The following SCRT1 variants were observed in gnomAD, a reference collection of about 807,000 sequenced individuals.
SCRT1 encodes transcriptional repressor scratch 1.
Under a neutral mutation model 3.4 loss-of-function variants are expected in SCRT1, and 1 was observed. The ratio of observed to expected loss-of-function variants is 0.29; its 90% CI spans 0.10 to 1.39. SCRT1 has a LOEUF of 1.39. Among genes scored for constraint, SCRT1 ranks in the 40% most tolerant of loss-of-function variants. The probability of loss-of-function intolerance (pLI) is 0.42; values close to 1 mark genes in which losing one functional copy is unlikely to be tolerated. For synonymous variants in SCRT1, 238 were observed against 247.0 expected (o/e 0.96, Z 0.34); for missense variants, 380 against 526.3 (o/e 0.72, Z 2.72).
rs1026532598 is a variant in SCRT1 at position 144,333,407 on chromosome 8, G to C, written c.825C>G (p.Pro275=). The C allele has an allele frequency of 7.5e-6, 12 of 1,605,756 alleles. No individual in the cohort carries two copies. The highest frequency in any genetic ancestry group is 1.0e-5 in the Non-Finnish European group (12 of 1,177,542). ...GHMRSHTGEK[P]FGCAHCGKAF... is the part of the protein sequence containing the mutation. ...CCTTGCCGCAGTGCGCGCAGCCGAA[G>C]GGTTTCTCGCCGGTGTGCGAGCGCA... Residue 275 remains proline (P), a synonymous_variant, in exon 2 of 2, where the codon CCC becomes CCG. Coordinates refer to ENST00000569446, the MANE Select transcript of SCRT1 (RefSeq NM_031309.6).
Position 144,333,356 on chromosome 8 carries a change from G to A in SCRT1, c.876C>T (p.Arg292=), listed in dbSNP as rs781801002. The A allele has an allele frequency of 8.7e-6, 14 of 1,611,890 alleles. No individual in the cohort carries two copies. Among genetic ancestry groups the A allele is most frequent in the Non-Finnish European group, 1.2e-5 (14 of 1,179,454 alleles). ...AGGCCGAATGCGTCTGCATGTGCGCGCGCAGGTTGGAGCGGTCGGCGAAGG... is the reference window on the plus strand; with the variant it reads ...AGGCCGAATGCGTCTGCATGTGCGCACGCAGGTTGGAGCGGTCGGCGAAGG... ...GKAFADRSNL[R]AHMQTHSAFK... is the part of the protein sequence containing the mutation. Residue 292 remains arginine (R), a synonymous_variant, in exon 2 of 2, where the codon CGC becomes CGT. Transcript: ENST00000569446.
rs1445418883 is a variant in SCRT1 at position 144,331,267 on chromosome 8, GC to G, written c.*1917del. 1 of 152,244 alleles carries G rather than the reference GC, an allele frequency of 6.6e-6. No homozygotes were observed. The highest frequency in any genetic ancestry group is 1.5e-5 in the Non-Finnish European group (1 of 68,048). The allele number at this position is 152,244 out of a possible 1,614,324, so 9.4% of individuals were successfully genotyped here. On this transcript the variant is annotated 3_prime_UTR_variant, in exon 2 of 2. Transcript: ENST00000569446. ...CACCTTCTTCTCCAGCCATGGCTCTGCCCCTGGCTGGACATGGCAGATGTGT... is the reference window on the plus strand; with the variant it reads ...CACCTTCTTCTCCAGCCATGGCTCTGCCCTGGCTGGACATGGCAGATGTGT...
rs1005897177 is a variant in SCRT1, at chr8:144,332,216, G to A, written c.*969C>T. ...GATGGGGGTTCAGCGCCCCCTCCCT[G>A]ACCCGAGTGCAATCCGTTCATAAAT... On this transcript the variant is annotated 3_prime_UTR_variant, in exon 2 of 2. Transcript: ENST00000569446. 2.0e-5 allele frequency: 3 copies of A among 152,324 alleles called. No homozygotes were observed. Among genetic ancestry groups the A allele is most frequent in the African/African-American group, 7.2e-5 (3 of 41,436 alleles). The allele number at this position is 152,324 out of a possible 1,614,324, so 9.4% of individuals were successfully genotyped here.
intron 1 of SCRT1, among the ~76,000 whole-genome samples, chr8:144,334,717 A>C (rs1554850159): frequency 6.6e-6 from 1 of 151,634 alleles, no homozygotes; most frequent in East Asian, 1.9e-4. Context: ...TCCCTCCCCC[A>C]GTTCCCTCCG....
rs2130567110 is a variant in SCRT1 at position 144,332,205 on chromosome 8, G to GC, written c.*979dup. The GC allele has an allele frequency of 6.6e-6, 1 of 152,410 alleles. No individual in the cohort carries two copies. Among genetic ancestry groups the GC allele is most frequent in the Admixed American group, 6.5e-5 (1 of 15,310 alleles). The allele number at this position is 152,410 out of a possible 1,614,324, so 9.4% of individuals were successfully genotyped here. A position where few individuals can be genotyped will look rare whatever the true frequency, so the allele number is the denominator to read the frequency against. On this transcript the variant is annotated 3_prime_UTR_variant, in exon 2 of 2. Transcript: ENST00000569446. ...TCGGCGGGCAAGATGGGGGTTCAGC[G>GC]CCCCCTCCCTGACCCGAGTGCAATC...
chr8:144,333,704 G>T lies in SCRT1; in HGVS notation c.528C>A (p.Thr176=). 10 of 1,225,576 alleles carry T rather than the reference G, an allele frequency of 8.2e-6. No individual in the cohort carries two copies. Among genetic ancestry groups the T allele is most frequent in the Non-Finnish European group, 1.0e-5 (10 of 981,988 alleles). The allele number at this position is 1,225,576 out of a possible 1,614,324, so 75.9% of individuals were successfully genotyped here. ...CGGCCCCTGGCCCCGCGCGCGCCTC[G>T]GTGCCTGCCCCCGCGCGCGTGCCGC... The part of the protein sequence containing the change: ...GRGGTRAGAG[T]EARAGPGAAG... The change falls in exon 2 of 2, where the codon ACC becomes ACA. Residue 176 remains threonine (T), a synonymous_variant. Coordinates refer to ENST00000569446, the MANE Select transcript of SCRT1 (RefSeq NM_031309.6).
rs566586226 is a variant in SCRT1 at position 144,335,874 on chromosome 8, C to G, written c.115+181G>C. Among the ~76,000 whole-genome samples the G allele has an allele frequency of 1.3e-5, 2 of 152,358 alleles. No homozygotes were observed. The highest frequency in any genetic ancestry group is 4.8e-5 in the African/African-American group (2 of 41,592). ...CAACGTCGACACTCTCCCTGCCCAG[C>G]CTTGGCCTCTGTGTTCCCCTTCCTC... is the stretch of plus-strand genomic sequence containing the variant. On this transcript the variant is annotated intron_variant, in intron 1 of 1. Transcript: ENST00000569446. This position sits in a 1 kb window ranked among gnomAD's most constrained non-coding sequence, Gnocchi z 7.7.
rs1464610534 is a variant in SCRT1 at position 144,331,170 on chromosome 8, TG to T, written c.*2014del. 6.6e-6 allele frequency: 1 copy of T among 152,304 alleles called. No homozygotes were observed. Among genetic ancestry groups the T allele is most frequent in the Non-Finnish European group, 1.5e-5 (1 of 68,056 alleles). The allele number at this position is 152,304 out of a possible 1,614,324, so 9.4% of individuals were successfully genotyped here. ...ATGTGGGCACTGCTGTGCAGAGCGG[TG>T]GGTCATCCTTGTGGGGGCAGCCACG... is the stretch of plus-strand genomic sequence containing the variant. On this transcript the variant is annotated 3_prime_UTR_variant, in exon 2 of 2. Coordinates refer to ENST00000569446, the MANE Select transcript of SCRT1 (RefSeq NM_031309.6).
At position 144,333,641 on chromosome 8, in the gene SCRT1, G is replaced by A. The variant is rs1554849904; in HGVS notation, c.591C>T (p.Gly197=). 6.3e-7 allele frequency: 1 copy of A among 1,591,338 alleles called. No homozygotes were observed. The highest frequency in any genetic ancestry group is 1.1e-5 in the South Asian group (1 of 88,894). ...AGGRHACGEC[G]KTYATSSNLS... ...GGTTCGACGACGTGGCGTATGTTTT[G>A]CCGCACTCGCCGCACGCGTGCCGGC... The change falls in exon 2 of 2, where the codon GGC becomes GGT. Residue 197 remains glycine (G), a synonymous_variant. Coordinates refer to ENST00000569446, the MANE Select transcript of SCRT1 (RefSeq NM_031309.6).
At chr8:144,334,402 G>C (rs1178241922) in intron 1 of SCRT1, among the ~76,000 whole-genome samples, 3 of 152,068 alleles carry the variant, frequency 2.0e-5, no homozygotes, top group Admixed American at 2.0e-4. Context: ...CGCGTCTTCG[G>C]GCGCGGCTGC....
intron 1 of SCRT1, among the ~76,000 whole-genome samples, chr8:144,334,686 C>T (rs1268605969): frequency 1.3e-5 from 2 of 152,010 alleles, no homozygotes; most frequent in East Asian, 1.9e-4. Flanking sequence ...TCTGGTTCCT[C>T]CAACAAGCCC....
Position 144,336,080 on chromosome 8 carries a change from G to T in SCRT1, c.90C>A (p.Asp30Glu), listed in dbSNP as rs1247305656. Residue 30 changes from aspartate (D) to glutamate (E), a missense_variant, in exon 1 of 2, where the codon GAC becomes GAA. Transcript: ENST00000569446. This position sits in a 1 kb window ranked among gnomAD's most constrained non-coding sequence, Gnocchi z 6.8. ...LESAYGRARS[D>E]LGAPLHDKGY... ...CTTTATCGTGCAGTGGCGCGCCGAG[G>T]TCGCTGCGGGCGCGTCCGTAGGCGC... 17 of 1,607,906 alleles carry T rather than the reference G, an allele frequency of 1.1e-5. No individual in the cohort carries two copies. Among genetic ancestry groups the T allele is most frequent in the Non-Finnish European group, 1.4e-5 (17 of 1,177,506 alleles).
chr8:144,333,022 G>C lies in SCRT1; in HGVS notation c.*163C>G, dbSNP rs1554849765. On this transcript the variant is annotated 3_prime_UTR_variant, in exon 2 of 2. Coordinates refer to ENST00000569446, the MANE Select transcript of SCRT1 (RefSeq NM_031309.6). ...CGGGACCCTATTGCTTGAAGGGGCC[G>C]GCAAGGCCCCTGGCGGGCGGGGCGG... The C allele has an allele frequency of 1.6e-6, 1 of 617,436 alleles. No individual in the cohort carries two copies. Among genetic ancestry groups the C allele is most frequent in the Non-Finnish European group, 2.7e-6 (1 of 375,104 alleles). 38.2% of individuals were successfully genotyped at this position (617,436 alleles called of 1,614,324 possible). A position where few individuals can be genotyped will look rare whatever the true frequency, so the allele number is the denominator to read the frequency against.
chr8:144,334,424 G>A (rs1265428515), intron 1 of SCRT1, among the ~76,000 whole-genome samples: 1 of 151,882 alleles, frequency 6.6e-6, no homozygotes. Flanking sequence ...CCCCTTCCGC[G>A]GAGCCTCAAG....
rs200672433 is a variant in SCRT1, at chr8:144,334,166, G to A, written c.116-50C>T. 7.1e-3 allele frequency: 2,258 copies of A among 318,948 alleles called. 24 individuals are homozygous for A. In the East Asian group the frequency reaches 0.074, roughly 10 times the overall value. 19.8% of individuals were successfully genotyped at this position (318,948 alleles called of 1,614,324 possible). ...CGGGAAGGGAATGGGGCGGCGGCAG[G>A]ACACACACGGGGGATGGGGGGGCGG... is the stretch of plus-strand genomic sequence containing the variant. On this transcript the variant is annotated intron_variant, in intron 1 of 1. Coordinates refer to ENST00000569446, the MANE Select transcript of SCRT1 (RefSeq NM_031309.6).
At position 144,333,392 on chromosome 8, in the gene SCRT1, G is replaced by T; in HGVS notation, c.840C>A (p.His280Gln). The T allele has an allele frequency of 6.2e-7, 1 of 1,608,056 alleles. No homozygotes were observed. The highest frequency in any genetic ancestry group is 8.5e-7 in the Non-Finnish European group (1 of 1,178,342). ...AGCGGTCGGCGAAGGCCTTGCCGCA[G>T]TGCGCGCAGCCGAAGGGTTTCTCGC... ...HTGEKPFGCAHCGKAFADRSN... is the reference protein window; with the variant it reads ...HTGEKPFGCAQCGKAFADRSN... Residue 280 changes from histidine to glutamine, a missense_variant, in exon 2 of 2, where the codon CAC (histidine) becomes CAA (glutamine). By Grantham distance (24) the His-to-Gln change is conservative. This residue lies in a region of SCRT1 where 56 missense variants were observed against 169.3 expected (regional missense o/e 0.33). Transcript: ENST00000569446.
rs1363198189 is a variant in SCRT1 at position 144,333,142 on chromosome 8, C to T, written c.*43G>A. On this transcript the variant is annotated 3_prime_UTR_variant, in exon 2 of 2. Transcript: ENST00000569446. ...GCCAGCGAAGACTTCCCTGGGGGGC[C>T]GTATTGCTGAGAGCCGACCTGGCTG... is the stretch of plus-strand genomic sequence containing the variant. The T allele has an allele frequency of 4.2e-6, 6 of 1,414,108 alleles. No homozygotes were observed. The highest frequency in any genetic ancestry group is 2.8e-5 in the Admixed American group (1 of 35,146). 87.6% of individuals were successfully genotyped at this position (1,414,108 alleles called of 1,614,324 possible).
rs1253942304 is a variant in SCRT1, at chr8:144,333,600, T to G, written c.632A>C (p.Gln211Pro). 6.2e-7 allele frequency: 1 copy of G among 1,609,580 alleles called. No individual in the cohort carries two copies. Among genetic ancestry groups the G allele is most frequent in the Non-Finnish European group, 8.5e-7 (1 of 1,179,172 alleles). ...ATSSNLSRHK[Q>P]THRSLDSQLA... ...CTGGCTGTCCAGGCTGCGGTGCGTC[T>G]GCTTGTGGCGGCTCAGGTTCGACGA... The change falls in exon 2 of 2, where the codon CAG becomes CCG. Residue 211 changes from glutamine to proline, a missense_variant. Gln to Pro is a moderately conservative substitution (Grantham distance 76). This residue lies in a region of SCRT1 where 56 missense variants were observed against 169.3 expected (regional missense o/e 0.33). Coordinates refer to ENST00000569446, the MANE Select transcript of SCRT1 (RefSeq NM_031309.6).
At position 144,331,807 on chromosome 8, in the gene SCRT1, T is replaced by A. The variant is rs1487464218; in HGVS notation, c.*1378A>T. The stretch of plus-strand genomic sequence containing the variant: ...GAGGGGATACCTGATTCTCAGTAAC[T>A]CTAGAGGCGGCGGCAGCTTCGCATG... On this transcript the variant is annotated 3_prime_UTR_variant, in exon 2 of 2. Transcript: ENST00000569446. 6.6e-6 allele frequency: 1 copy of A among 152,472 alleles called. No individual in the cohort carries two copies. The highest frequency in any genetic ancestry group is 1.5e-5 in the Non-Finnish European group (1 of 68,032). 9.4% of individuals were successfully genotyped at this position (152,472 alleles called of 1,614,324 possible).
Sources: gnomAD v4.1 joint callset for allele counts (sites outside exome capture counted in the v4.1 genomes callset) on GRCh38, gnomAD v4.1.1 for gene constraint, gnomAD v4.1.1 regional missense constraint, Gnocchi (gnomAD v3.1) non-coding constraint, MANE v1.5 for transcripts, NCBI Gene and HGNC (gene_info 2026-07-23, HGNC 2026-07-21) for gene names.